Variants in MAP4K5 observed in about 807,000 individuals in gnomAD.
The protein encoded by MAP4K5 is MAPK/ERK kinase kinase kinase 5.
MAP4K5 carries 82 observed loss-of-function variants against 135.6 expected under a neutral mutation model. That is an observed-to-expected ratio of 0.60 (90% CI 0.51 to 0.73). The LOEUF (loss-of-function observed/expected upper bound fraction) is 0.73, where lower values mean the gene tolerates loss of function less well. MAP4K5 is among the 30% of genes least tolerant of loss of function. The pLI is 0.00. For synonymous variants in MAP4K5, 347 were observed against 335.0 expected (o/e 1.04, Z -0.39); for missense variants, 907 against 1,010.9 (o/e 0.90, Z 1.39).
At position 50,440,381 on chromosome 14, in the gene MAP4K5, T is replaced by A; in HGVS notation, c.1625A>T (p.His542Leu). ...GIYTLNLNEL[H>L]EATMEQLFPR... The stretch of plus-strand genomic sequence containing the variant: ...AATTACCTGTTCCATCGTTGCCTCA[T>A]GTAGCTCATTGAGATTCAGTGTGTA... Residue 542 changes from histidine to leucine, a missense_variant, in exon 22 of 33, where the codon CAT becomes CTT. By Grantham distance (99) the His-to-Leu change is moderately conservative (BLOSUM62 -3). Around this residue, in one of 3 missense-constraint regions of MAP4K5, gnomAD observed 690 missense variants for 777.4 expected, o/e 0.89. Transcript: ENST00000682126. 1.2e-6 allele frequency: 2 copies of A among 1,602,000 alleles called. No individual in the cohort carries two copies. The highest frequency in any genetic ancestry group is 1.7e-6 in the Non-Finnish European group (2 of 1,171,350).
chr14:50,513,587 TA>T lies in MAP4K5; in HGVS notation c.109-8731del, dbSNP rs3050007. 1.1e-3 allele frequency among the ~76,000 whole-genome samples: 171 copies of T among 149,152 alleles called. 1 individual carries two copies. Among genetic ancestry groups the T allele is most frequent in the African/African-American group, 2.0e-3 (83 of 40,882 alleles). On this transcript the variant is annotated intron_variant, in intron 2 of 32. Transcript: ENST00000682126. ...AAGATAATTTTTTATAAACTGGGGC[TA>T]AAAAAAAAAAAACCAGCAAGTAAGG...
At position 50,523,393 on chromosome 14, in the gene MAP4K5, TTG is replaced by T. The variant is rs370708163; in HGVS notation, c.108+8547_108+8548del. Among the ~76,000 whole-genome samples the T allele has an allele frequency of 2.1e-3, 315 of 152,296 alleles. 2 individuals carry two copies. The highest frequency in any genetic ancestry group is 3.6e-3 in the Non-Finnish European group (247 of 68,012). On this transcript the variant is annotated intron_variant, in intron 2 of 32. Transcript: ENST00000682126. ...CAATAAGGCATGGTGATGGCCATGC[TTG>T]TGTCTTAGATAATATGCCTGCCCCT...
intron 3 of MAP4K5, among the ~76,000 whole-genome samples, chr14:50,501,915 C>T (rs2037713590): frequency 1.3e-5 from 2 of 152,138 alleles, no homozygotes; most frequent in Admixed American, 1.3e-4. Flanking sequence ...CTTCTACATT[C>T]CTATCCTCTA....
chr14:50,428,917 G>A (rs998926350), intron 29 of MAP4K5, among the ~76,000 whole-genome samples, 163 bp from the exon 30 acceptor site: 1 of 152,156 alleles, frequency 6.6e-6, no homozygotes, highest in Non-Finnish European at 1.5e-5. Flanking sequence ...CTGTAAGAGT[G>A]CCTCCATCGG....
At chr14:50,486,696 C>T (rs1192937651) in intron 3 of MAP4K5, among the ~76,000 whole-genome samples, 2 of 152,010 alleles carry the variant, frequency 1.3e-5, no homozygotes, top group East Asian at 1.9e-4. Context: ...CTTGGGAGGC[C>T]GAGGTGGGCG....
intron 30 of MAP4K5, among the ~76,000 whole-genome samples, chr14:50,427,267 T>C (rs2035867872): frequency 6.6e-6 from 1 of 152,194 alleles, no homozygotes; most frequent in African/African-American, 2.4e-5. Context: ...GAATTAAGGA[T>C]TCCTATGTCA....
Position 50,462,647 on chromosome 14 carries a change from C to T in MAP4K5, c.936+18G>A. On this transcript the variant is annotated intron_variant, in intron 13 of 32. Transcript: ENST00000682126. ...AAAACATTTATTTTCAACTATGAGACTGCAAACACTTCCTTACCTCAAAGT... is the reference window on the plus strand; with the variant it reads ...AAAACATTTATTTTCAACTATGAGATTGCAAACACTTCCTTACCTCAAAGT... 1 of 1,533,594 alleles carries T rather than the reference C, an allele frequency of 6.5e-7. No homozygotes were observed. Among genetic ancestry groups the T allele is most frequent in the African/African-American group, 1.4e-5 (1 of 72,340 alleles). 95.0% of individuals were successfully genotyped at this position (1,533,594 alleles called of 1,614,324 possible). A position where few individuals can be genotyped will look rare whatever the true frequency, so the allele number is the denominator to read the frequency against.
At chr14:50,476,065 A>G in intron 8 of MAP4K5, 63 bp downstream of exon 8, 4 of 880,228 alleles carry the variant, frequency 4.5e-6, no homozygotes, top group Non-Finnish European at 6.7e-6. Context: ...AAAATTTTAT[A>G]AAAATTTTAT....
At chr14:50,492,754 C>T (rs2037511875) in intron 3 of MAP4K5, among the ~76,000 whole-genome samples, 1 of 152,054 alleles carries the variant, frequency 6.6e-6, no homozygotes, top group Non-Finnish European at 1.5e-5. Context: ...TCATGCCTAT[C>T]CTATATAGGT....
At chr14:50,446,573 A>T (rs1258153873) in intron 16 of MAP4K5, among the ~76,000 whole-genome samples, 1 of 152,200 alleles carries the variant, frequency 6.6e-6, no homozygotes, top group Non-Finnish European at 1.5e-5. Context: ...CCAGGTCAAT[A>T]AGTTTGAGAA....
chr14:50,475,268 A>G, intron 8 of MAP4K5, 119 bp from the exon 9 acceptor site: 1 of 712,510 alleles, frequency 1.4e-6, no homozygotes. Context: ...AAAAATGCGC[A>G]TAAATTGAAT....
chr14:50,432,449 G>A (rs2035991168), intron 28 of MAP4K5, among the ~76,000 whole-genome samples: 1 of 151,798 alleles, frequency 6.6e-6, no homozygotes, highest in South Asian at 2.1e-4. Context: ...TTGACCCCAG[G>A]TCAGACAGTA....
chr14:50,454,384 A>G (rs761277007), intron 14 of MAP4K5, among the ~76,000 whole-genome samples: 1 of 152,156 alleles, frequency 6.6e-6, no homozygotes, highest in Non-Finnish European at 1.5e-5. Flanking sequence ...ATGAGTGTAT[A>G]TATTTAAAAA....
Position 50,475,163 on chromosome 14 carries a change from A to C in MAP4K5, c.470-14T>G, listed in dbSNP as rs1379220050. 1 of 1,612,250 alleles carries C rather than the reference A, an allele frequency of 6.2e-7. No homozygotes were observed. Among genetic ancestry groups the C allele is most frequent in the African/African-American group, 1.3e-5 (1 of 74,924 alleles). ...CACCAAAGTCAGCTAGTGAGGAAAA[A>C]AACAGAAAATTTTAGTTCTTTACAA... On this transcript the variant is annotated splice_polypyrimidine_tract_variant and intron_variant, in intron 8 of 32. Transcript: ENST00000682126.
upstream of MAP4K5, among the ~76,000 whole-genome samples, chr14:50,534,830 G>T (rs564537108): frequency 6.6e-6 from 1 of 152,202 alleles, no homozygotes; most frequent in Non-Finnish European, 1.5e-5. Context: ...ATTTTAACAA[G>T]ATCAGTGAAG....
chr14:50,451,258 G>GAA (rs373881312), intron 14 of MAP4K5, among the ~76,000 whole-genome samples: 3 of 146,834 alleles, frequency 2.0e-5, no homozygotes, highest in Non-Finnish European at 3.0e-5. Context: ...GTACAGTGAA[G>GAA]AAAAAAAAAA....
intron 2 of MAP4K5, among the ~76,000 whole-genome samples, chr14:50,508,592 G>A (rs1013720651): frequency 2.0e-5 from 3 of 152,062 alleles, no homozygotes; most frequent in Non-Finnish European, 4.4e-5. Context: ...GGGAGGGATA[G>A]CATTAGGAGA....
rs1420044992 is a variant in MAP4K5, at chr14:50,418,892, G to T, written c.*1127C>A. 3.9e-5 allele frequency: 6 copies of T among 152,046 alleles called. No homozygotes were observed. The highest frequency in any genetic ancestry group is 3.9e-4 in the Admixed American group (6 of 15,282). The allele number at this position is 152,046 out of a possible 1,614,324, so 9.4% of individuals were successfully genotyped here. A position where few individuals can be genotyped will look rare whatever the true frequency, so the allele number is the denominator to read the frequency against. On this transcript the variant is annotated 3_prime_UTR_variant, in exon 33 of 33. Transcript: ENST00000682126. ...GCAAAAGAAAAACAAACTCAAAAAT[G>T]ACCCTACCCTTTATTATTTTTAGAA...
At chr14:50,423,710 A>C (rs966608061) in intron 31 of MAP4K5, among the ~76,000 whole-genome samples, 5 of 152,188 alleles carry the variant, frequency 3.3e-5, no homozygotes, top group Non-Finnish European at 1.5e-5. Flanking sequence ...TCAAGGATAC[A>C]GTGAACTATG....
Sources: allele counts gnomAD v4.1 joint callset (sites outside exome capture counted in the v4.1 genomes callset), GRCh38; gene constraint gnomAD v4.1.1; regional missense constraint gnomAD v4.1.1; transcripts MANE v1.5; gene names NCBI Gene and HGNC (gene_info 2026-07-23, HGNC 2026-07-21).